SV2C: variants seen among roughly 807,000 people sequenced by gnomAD.
SV2C encodes the protein solute carrier family 22 member B3.
SV2C carries 49 observed loss-of-function variants against 79.7 expected under a neutral mutation model. The observed-to-expected ratio is 0.61, with a 90% CI of 0.49 to 0.78. SV2C has a LOEUF of 0.78. SV2C is among the 30% of genes least tolerant of loss of function. The probability of loss-of-function intolerance (pLI) is 0.00; values close to 1 mark genes in which losing one functional copy is unlikely to be tolerated. For synonymous variants in SV2C, 334 were observed against 333.2 expected (o/e 1.00, Z -0.03); for missense variants, 833 against 912.9 (o/e 0.91, Z 1.13).
At chr5:76,208,371 T>C (rs1173001940) in intron 3 of SV2C, among the ~76,000 whole-genome samples, 1 of 152,312 alleles carries the variant, frequency 6.6e-6, no homozygotes, top group Non-Finnish European at 1.5e-5. Context: ...TTGCAACCCA[T>C]AGATTGAAAA....
chr5:75,968,782 C>G, the SV2C span, among the ~76,000 whole-genome samples: 1 of 152,168 alleles, frequency 6.6e-6, no homozygotes, highest in East Asian at 1.9e-4. Context: ...CTTCCCCAAC[C>G]TATCAAAGTA....
chr5:76,350,238 A>G (rs1749621422), intron 12 of SV2C, among the ~76,000 whole-genome samples: 1 of 152,216 alleles, frequency 6.6e-6, no homozygotes, highest in African/African-American at 2.4e-5. Context: ...AGAAAAAAAT[A>G]TGAGATTTCC....
At chr5:76,309,599 C>CAAAAAAAA (rs769865757) in intron 12 of SV2C, among the ~76,000 whole-genome samples, 6 of 18,712 alleles carry the variant, frequency 3.2e-4, no homozygotes, top group Admixed American at 7.9e-4. Context: ...AACTCCATCT[C>CAAAAAAAA]AAAAAAAAAA....
chr5:76,033,185 C>A, the SV2C span, among the ~76,000 whole-genome samples: 1 of 152,000 alleles, frequency 6.6e-6, no homozygotes, highest in Non-Finnish European at 1.5e-5. Flanking sequence ...AATGTTCTCC[C>A]ATTTTGTAGG....
the SV2C span, among the ~76,000 whole-genome samples, chr5:76,032,277 T>G: frequency 1.3e-5 from 2 of 152,170 alleles, no homozygotes; most frequent in Admixed American, 1.3e-4. Context: ...TACTTTAAGT[T>G]TTAGGGTACA....
chr5:76,001,489 C>T, the SV2C span, among the ~76,000 whole-genome samples: 1 of 151,860 alleles, frequency 6.6e-6, no homozygotes. Flanking sequence ...GTGGTCCCAG[C>T]TACTCAGAAG....
the SV2C span, among the ~76,000 whole-genome samples, chr5:76,000,425 C>G: frequency 6.6e-6 from 1 of 152,146 alleles, no homozygotes; most frequent in South Asian, 2.1e-4. Context: ...CACTGTGAAC[C>G]TGCATAATGC....
rs116065001 is a variant in SV2C, at chr5:76,318,050, G to C, written c.2001-7314G>C. ...TAAAGACAGAAAAATCCACAAAGAGGCTGGATGTGAGGACAAAATTATCCT... is the reference window on the plus strand; with the variant it reads ...TAAAGACAGAAAAATCCACAAAGAGCCTGGATGTGAGGACAAAATTATCCT... On this transcript the variant is annotated intron_variant, in intron 12 of 12. Coordinates refer to ENST00000502798, the MANE Select transcript of SV2C (RefSeq NM_014979.4). 4.0e-5 allele frequency among the ~76,000 whole-genome samples: 6 copies of C among 151,838 alleles called. No individual in the cohort carries two copies. In the East Asian group the frequency reaches 1.2e-3, roughly 29 times the overall value.
downstream of SV2C, among the ~76,000 whole-genome samples, chr5:76,337,599 G>T (rs767589289): frequency 1.8e-4 from 28 of 152,146 alleles, no homozygotes; most frequent in Non-Finnish European, 3.5e-4. Context: ...TGTGCCTATG[G>T]TCTGATGGGC....
intron 9 of SV2C, among the ~76,000 whole-genome samples, chr5:76,298,324 A>G (rs1381258144): frequency 6.6e-6 from 1 of 152,212 alleles, no homozygotes; most frequent in African/African-American, 2.4e-5. Flanking sequence ...CACTAGAATG[A>G]AGAAGACTTG....
chr5:75,962,297 A>G, the SV2C span, among the ~76,000 whole-genome samples: 89 of 152,236 alleles, frequency 5.8e-4, no homozygotes, highest in African/African-American at 1.9e-3. Flanking sequence ...ACCCAGGGTA[A>G]GGACATGTGT....
chr5:76,079,300 AAAATC>A, upstream of SV2C: 1 of 329,628 alleles, frequency 3.0e-6, no homozygotes. Flanking sequence ...TAGTCAAACT[AAAATC>A]AAAGATGGTC....
At chr5:75,910,848 G>A in the SV2C span, 17 of 1,235,378 alleles carry the variant, frequency 1.4e-5, no homozygotes, top group South Asian at 1.6e-4. Context: ...AGGGAAATGA[G>A]CAAGCTGAAC....
chr5:76,257,620 T>A (rs780426613), intron 4 of SV2C, among the ~76,000 whole-genome samples: 2 of 150,810 alleles, frequency 1.3e-5, no homozygotes, highest in Non-Finnish European at 3.0e-5. Context: ...CAGATGGTAG[T>A]GTGTGTGGGT....
the SV2C span, among the ~76,000 whole-genome samples, chr5:75,968,878 T>C: frequency 1.3e-5 from 2 of 152,144 alleles, no homozygotes; most frequent in East Asian, 1.9e-4. Context: ...AATTGTCAGA[T>C]TCACCAAAGT....
At chr5:76,174,721 T>C (rs1256622232) in intron 2 of SV2C, among the ~76,000 whole-genome samples, 2 of 152,244 alleles carry the variant, frequency 1.3e-5, no homozygotes, top group East Asian at 1.9e-4. Context: ...CACGAAAGCA[T>C]AGTTCGTGGA....
intron 4 of SV2C, among the ~76,000 whole-genome samples, chr5:76,223,562 A>G (rs1354966186): frequency 1.4e-5 from 2 of 146,438 alleles, no homozygotes; most frequent in African/African-American, 5.1e-5. Context: ...TTTATAACCC[A>G]CATTTGATAA....
At chr5:76,315,803 A>G (rs1373402645) in intron 12 of SV2C, among the ~76,000 whole-genome samples, 1 of 152,214 alleles carries the variant, frequency 6.6e-6, no homozygotes, top group African/African-American at 2.4e-5. Context: ...AGAAGAAAAA[A>G]GGGATGGGAA....
intron 4 of SV2C, among the ~76,000 whole-genome samples, chr5:76,251,228 G>A (rs561987688): frequency 1.3e-5 from 2 of 152,172 alleles, no homozygotes; most frequent in Admixed American, 6.5e-5. Flanking sequence ...ATGCAATAGA[G>A]TCACCTGCAG....
Sources: allele counts gnomAD v4.1 joint callset (sites outside exome capture counted in the v4.1 genomes callset), GRCh38; gene constraint gnomAD v4.1.1; transcripts MANE v1.5; gene names NCBI Gene and HGNC (gene_info 2026-07-23, HGNC 2026-07-21).